OPHN1: variants seen among roughly 807,000 people sequenced by gnomAD.
The protein encoded by OPHN1 is oligophrenin 1.
Under a neutral mutation model 60.7 loss-of-function variants are expected in OPHN1, and 11 were observed. That is an observed-to-expected ratio of 0.18 (90% CI 0.11 to 0.30). The LOEUF is 0.30. Among genes scored for constraint, OPHN1 ranks in the 10% least tolerant of loss-of-function variants. The pLI is 1.00. For missense variants in OPHN1, 449 were observed against 611.0 expected, an observed-to-expected ratio of 0.73 and a Z score of 2.80; for synonymous variants, 226 against 222.6, an observed-to-expected ratio of 1.02 and a Z score of -0.14.
chrX:68,377,425 ATTT>A (rs1214911711), intron 2 of OPHN1, among the ~76,000 whole-genome samples: 15 of 105,112 alleles, frequency 1.4e-4, no homozygotes, highest in African/African-American at 4.5e-4. Context: ...TTTATTTTTT[ATTT>A]TTTATTATTA....
Position 68,296,647 on chromosome X carries a change from TA to T in OPHN1, c.250+2353del, listed in dbSNP as rs751623342. 6.8e-3 allele frequency among the ~76,000 whole-genome samples: 466 copies of T among 68,415 alleles called. 1 individual carries two copies. Among genetic ancestry groups the T allele is most frequent in the East Asian group, 0.021 (47 of 2,255 alleles). The allele number at this position is 68,415 out of a possible 115,157, so 59.4% of individuals were successfully genotyped here. A position where few individuals can be genotyped will look rare whatever the true frequency, so the allele number is the denominator to read the frequency against. ...TGGGGAACAGAGCAAGACTCCATCT[TA>T]AAAAAAAAAAAAAAAAAAAAAGAAG... On this transcript the variant is annotated intron_variant, in intron 3 of 24. Coordinates refer to ENST00000355520, the MANE Select transcript of OPHN1 (RefSeq NM_002547.3).
At chrX:68,225,109 G>C (rs1015176034) in intron 6 of OPHN1, among the ~76,000 whole-genome samples, 2 of 112,105 alleles carry the variant, frequency 1.8e-5, no homozygotes, top group African/African-American at 6.5e-5. Flanking sequence ...CAAGCTCACG[G>C]AGCCTCTCTT....
chrX:68,145,762 A>G (rs1466920705), intron 15 of OPHN1, among the ~76,000 whole-genome samples: 1 of 112,238 alleles, frequency 8.9e-6, no homozygotes, highest in Non-Finnish European at 1.9e-5. Context: ...TCCAAATGGT[A>G]ATAAAATGTT....
chrX:68,299,235 C>A lies in OPHN1; in HGVS notation c.155-139G>T, dbSNP rs1359964509. ...GCAACTAGCATTTAATGAAATAAAACAAAAGATTAGATATGCAGTAGAAGA... is the reference window on the plus strand; with the variant it reads ...GCAACTAGCATTTAATGAAATAAAAAAAAAGATTAGATATGCAGTAGAAGA... On this transcript the variant is annotated intron_variant, in intron 2 of 24. Coordinates refer to ENST00000355520, the MANE Select transcript of OPHN1 (RefSeq NM_002547.3). 1.3e-5 allele frequency: 5 copies of A among 385,500 alleles called. No individual in the cohort carries two copies. The Admixed American group carries it at 1.7e-4, about 13-fold the overall frequency. The allele number at this position is 385,500 out of a possible 1,213,427, so 31.8% of individuals were successfully genotyped here. A position where few individuals can be genotyped will look rare whatever the true frequency, so the allele number is the denominator to read the frequency against.
chrX:68,093,227 C>T (rs1003729520), intron 19 of OPHN1, among the ~76,000 whole-genome samples: 14 of 111,354 alleles, frequency 1.3e-4, no homozygotes, highest in Non-Finnish European at 2.5e-4. Flanking sequence ...ATTTGAACTG[C>T]CTGATTTCAA....
intron 11 of OPHN1, among the ~76,000 whole-genome samples, chrX:68,199,600 G>A (rs1008102551): frequency 8.9e-6 from 1 of 112,511 alleles, no homozygotes; most frequent in Non-Finnish European, 1.9e-5. Context: ...CTGCTAGGAA[G>A]CCTGACTCTG....
chrX:68,408,489 C>A (rs192117084), intron 2 of OPHN1, among the ~76,000 whole-genome samples: 2 of 112,003 alleles, frequency 1.8e-5, no homozygotes, highest in Non-Finnish European at 3.8e-5. Context: ...TAGTGCACAG[C>A]GAAAACCACT....
At chrX:68,364,594 A>C (rs1382675269) in intron 2 of OPHN1, among the ~76,000 whole-genome samples, 1 of 112,450 alleles carries the variant, frequency 8.9e-6, no homozygotes, top group East Asian at 2.8e-4. Context: ...AATTGATGAA[A>C]TAAGAACAGT....
intron 15 of OPHN1, among the ~76,000 whole-genome samples, chrX:68,169,026 A>C (rs1753839690): frequency 9.0e-6 from 1 of 111,647 alleles, no homozygotes; most frequent in Admixed American, 9.5e-5. Context: ...TTTACCAACC[A>C]AAAAGAGTGC....
At chrX:68,133,222 A>G in intron 15 of OPHN1, 2 of 735,305 alleles carry the variant, frequency 2.7e-6, no homozygotes, top group Non-Finnish European at 4.3e-6. Context: ...CTAGCTCTCC[A>G]GGTTCCTCAT....
intron 7 of OPHN1, among the ~76,000 whole-genome samples, chrX:68,213,106 T>C (rs1333862548): frequency 8.9e-6 from 1 of 112,499 alleles, no homozygotes; most frequent in Non-Finnish European, 1.9e-5. Context: ...TGGTAGCTCA[T>C]GCCTGTAATC....
At chrX:68,323,029 G>A (rs138898486) in intron 2 of OPHN1, among the ~76,000 whole-genome samples, 22 of 111,638 alleles carry the variant, frequency 2.0e-4, no homozygotes, top group African/African-American at 6.8e-4. Context: ...GCAAGGAAGT[G>A]TGTGGGCGTG....
At chrX:68,259,874 G>T (rs2077884639) in intron 5 of OPHN1, among the ~76,000 whole-genome samples, 2 of 111,674 alleles carry the variant, frequency 1.8e-5, no homozygotes, top group African/African-American at 6.5e-5. Context: ...AGAGGAAGAA[G>T]GTCCATATAT....
chrX:68,170,118 G>A (rs1399886222), intron 15 of OPHN1, among the ~76,000 whole-genome samples: 13 of 110,390 alleles, frequency 1.2e-4, no homozygotes, highest in African/African-American at 1.7e-4. Flanking sequence ...AAAAGTGGGC[G>A]AAGGACACGA....
intron 5 of OPHN1, among the ~76,000 whole-genome samples, chrX:68,260,359 C>A (rs1261372267): frequency 1.8e-5 from 2 of 110,423 alleles, no homozygotes; most frequent in Non-Finnish European, 3.8e-5. Flanking sequence ...GTTCTCATTG[C>A]TATAGAATAA....
intron 12 of OPHN1, among the ~76,000 whole-genome samples, chrX:68,194,980 G>GAAAGA (rs2077504810): frequency 2.5e-5 from 2 of 81,245 alleles, no homozygotes; most frequent in African/African-American, 1.3e-4. Context: ...AAAAAAGAAA[G>GAAAGA]AAAGAAAGAG....
At chrX:68,175,273 A>G (rs1256510507) in intron 15 of OPHN1, among the ~76,000 whole-genome samples, 1 of 111,119 alleles carries the variant, frequency 9.0e-6, no homozygotes, top group East Asian at 2.8e-4. Context: ...CTTTAAGTAT[A>G]TTTTTTAAAA....
chrX:68,356,021 G>T (rs1187835807), intron 2 of OPHN1, among the ~76,000 whole-genome samples: 1 of 109,603 alleles, frequency 9.1e-6, no homozygotes, highest in Non-Finnish European at 1.9e-5. Flanking sequence ...CTGCACTCTA[G>T]CCTGGGTGAC....
chrX:68,267,822 A>G (rs1053595984), intron 5 of OPHN1, among the ~76,000 whole-genome samples: 6 of 112,103 alleles, frequency 5.4e-5, no homozygotes, highest in African/African-American at 1.9e-4. Flanking sequence ...GAAGTATCAA[A>G]TAGATGCAAC....
Sources: allele counts gnomAD v4.1 joint callset (sites outside exome capture counted in the v4.1 genomes callset), GRCh38; gene constraint gnomAD v4.1.1; transcripts MANE v1.5; gene names NCBI Gene and HGNC (gene_info 2026-07-23, HGNC 2026-07-21).